SLCO4C1: variants seen among roughly 807,000 people sequenced by gnomAD.
SLCO4C1 encodes the protein organic anion transporter M1.
A neutral mutation model predicts 72.1 loss-of-function variants in SLCO4C1; 58 were observed. That is an observed-to-expected ratio of 0.80 (90% confidence interval 0.65 to 1.00). SLCO4C1 has a LOEUF of 1.00. Ranked by LOEUF, SLCO4C1 falls within the 50% of genes least tolerant of loss-of-function variation. The pLI is 0.00. For missense variants in SLCO4C1, 898 were observed against 857.9 expected (o/e 1.05, Z -0.58); for synonymous variants, 297 against 312.5 (o/e 0.95, Z 0.52).
At chr5:102,289,642 C>A (rs1250934020) in intron 2 of SLCO4C1, among the ~76,000 whole-genome samples, 1 of 152,180 alleles carries the variant, frequency 6.6e-6, no homozygotes, top group Non-Finnish European at 1.5e-5. Context: ...CTAAAGCCTA[C>A]GCTGCAATAT....
intron 2 of SLCO4C1, among the ~76,000 whole-genome samples, chr5:102,272,748 G>A (rs758044153): frequency 6.7e-6 from 1 of 148,752 alleles, no homozygotes; most frequent in Non-Finnish European, 1.5e-5. Flanking sequence ...TTGAGGTCAG[G>A]AGTTTGAGAC....
chr5:102,236,797 G>T lies in SLCO4C1; in HGVS notation c.*61C>A. 1 of 1,499,028 alleles carries T rather than the reference G, an allele frequency of 6.7e-7. No homozygotes were observed. The highest frequency in any genetic ancestry group is 9.2e-7 in the Non-Finnish European group (1 of 1,090,606). 92.9% of individuals were successfully genotyped at this position (1,499,028 alleles called of 1,614,324 possible). A position where few individuals can be genotyped will look rare whatever the true frequency, so the allele number is the denominator to read the frequency against. On this transcript the variant is annotated 3_prime_UTR_variant, in exon 13 of 13. Coordinates refer to ENST00000310954, the MANE Select transcript of SLCO4C1 (RefSeq NM_180991.5). ...GGATAGATAATCCTGCCATGGCAAT[G>T]TGTGTTCTTAAAAATCGAGGTAAAT...
intron 7 of SLCO4C1, among the ~76,000 whole-genome samples, chr5:102,257,687 C>T (rs752156979): frequency 6.6e-6 from 1 of 150,526 alleles, no homozygotes; most frequent in Non-Finnish European, 1.5e-5. Context: ...GGCGCAATCT[C>T]GGCTCGCTGC....
chr5:102,274,789 C>G (rs1247785198), intron 2 of SLCO4C1, among the ~76,000 whole-genome samples: 1 of 152,090 alleles, frequency 6.6e-6, no homozygotes, highest in Non-Finnish European at 1.5e-5. Context: ...CTGTACTTTT[C>G]TTTCCTCAGC....
At chr5:102,242,218 C>T (rs1748556303) in intron 10 of SLCO4C1, among the ~76,000 whole-genome samples, 1 of 152,208 alleles carries the variant, frequency 6.6e-6, no homozygotes, top group African/African-American at 2.4e-5. Context: ...AACTCACCAC[C>T]AAGGGCTACA....
intron 3 of SLCO4C1, among the ~76,000 whole-genome samples, chr5:102,269,373 G>C (rs565040292): frequency 5.1e-4 from 76 of 150,270 alleles, no homozygotes; most frequent in African/African-American, 1.8e-3. Flanking sequence ...CATTTTGTTT[G>C]CTGTGTTGTT....
chr5:102,274,965 G>A (rs550288066), intron 2 of SLCO4C1, among the ~76,000 whole-genome samples: 2 of 151,930 alleles, frequency 1.3e-5, no homozygotes, highest in Admixed American at 1.3e-4. Context: ...CACATCTCTG[G>A]TTACCACGGC....
chr5:102,272,626 A>G (rs1749171744), intron 2 of SLCO4C1, among the ~76,000 whole-genome samples: 1 of 152,166 alleles, frequency 6.6e-6, no homozygotes, highest in Non-Finnish European at 1.5e-5. Flanking sequence ...GCCTCTTAAA[A>G]TCCAGAGCTC....
chr5:102,278,759 G>T (rs112673879), intron 2 of SLCO4C1, among the ~76,000 whole-genome samples: 1 of 151,648 alleles, frequency 6.6e-6, no homozygotes, highest in Non-Finnish European at 1.5e-5. Flanking sequence ...GGTCAAAAAG[G>T]AAGTCTCTAA....
intron 2 of SLCO4C1, among the ~76,000 whole-genome samples, chr5:102,272,841 G>A (rs1749178299): frequency 6.6e-6 from 1 of 152,040 alleles, no homozygotes; most frequent in South Asian, 2.1e-4. Flanking sequence ...TGTAGTCCCA[G>A]CTACTCGGGA....
At chr5:102,281,250 A>G (rs535506216) in intron 2 of SLCO4C1, among the ~76,000 whole-genome samples, 1 of 152,174 alleles carries the variant, frequency 6.6e-6, no homozygotes, top group Non-Finnish European at 1.5e-5. Flanking sequence ...ACACTTATAA[A>G]CAAAAATCAA....
chr5:102,284,047 A>G (rs964567314), intron 2 of SLCO4C1, among the ~76,000 whole-genome samples: 12 of 152,182 alleles, frequency 7.9e-5, no homozygotes, highest in Non-Finnish European at 1.8e-4. Context: ...ACTCAAAAAG[A>G]TTACGGAAAA....
intron 2 of SLCO4C1, among the ~76,000 whole-genome samples, chr5:102,274,718 T>A (rs988459219): frequency 2.6e-5 from 4 of 152,170 alleles, no homozygotes; most frequent in African/African-American, 9.7e-5. Flanking sequence ...CTGCATCAGG[T>A]GCTTTGACGT....
chr5:102,236,887 C>A lies in SLCO4C1; in HGVS notation c.2146G>T (p.Asp716Tyr). Residue 716 changes from aspartate to tyrosine, a missense_variant, in exon 13 of 13, where the codon GAT becomes TAT. By Grantham distance (160) the Asp-to-Tyr change is radical. Transcript: ENST00000310954. ...CCTTCTTTTACTATTTTGTTGAGAT[C>A]CTGTTCTGCTAAAACATTAGTCACA... ...AVVTNVLAEQ[D>Y]LNKIVKEG 6.2e-7 allele frequency: 1 copy of A among 1,612,714 alleles called. No homozygotes were observed.
chr5:102,262,956 A>C (rs1748968184), intron 4 of SLCO4C1, among the ~76,000 whole-genome samples: 1 of 152,134 alleles, frequency 6.6e-6, no homozygotes, highest in South Asian at 2.1e-4. Flanking sequence ...TGCAGTTATT[A>C]TTCCCAGTGG....
intron 8 of SLCO4C1, among the ~76,000 whole-genome samples, chr5:102,251,133 C>T (rs552922801): frequency 6.6e-6 from 1 of 152,238 alleles, no homozygotes; most frequent in East Asian, 1.9e-4. Context: ...ATGTCTGAGG[C>T]ACAGAGTGAT....
chr5:102,251,287 C>T (rs528220200), intron 8 of SLCO4C1, among the ~76,000 whole-genome samples: 1 of 152,176 alleles, frequency 6.6e-6, no homozygotes, highest in African/African-American at 2.4e-5. Flanking sequence ...AGGAGTTGTA[C>T]AGAGTATGAA....
rs1038991055 is a variant in SLCO4C1, at chr5:102,283,843, C to T, written c.619+7500G>A. 2.6e-5 allele frequency among the ~76,000 whole-genome samples: 4 copies of T among 151,936 alleles called. No individual in the cohort carries two copies. In the South Asian group the frequency reaches 8.3e-4, roughly 32 times the overall value. On this transcript the variant is annotated intron_variant, in intron 2 of 12. Coordinates refer to ENST00000310954, the MANE Select transcript of SLCO4C1 (RefSeq NM_180991.5). ...ATTTGGGATTCTCTGTCCACATTTTCCATAAACTTGGGCTAAAAAAATGGA... is the reference window on the plus strand; with the variant it reads ...ATTTGGGATTCTCTGTCCACATTTTTCATAAACTTGGGCTAAAAAAATGGA...
intron 3 of SLCO4C1, among the ~76,000 whole-genome samples, chr5:102,266,462 C>T (rs1465862440): frequency 1.3e-5 from 2 of 151,994 alleles, no homozygotes; most frequent in Admixed American, 1.3e-4. Flanking sequence ...CCAGTATGGC[C>T]AACGTGGTGA....
Sources: allele counts gnomAD v4.1 joint callset (sites outside exome capture counted in the v4.1 genomes callset), GRCh38; gene constraint gnomAD v4.1.1; transcripts MANE v1.5; gene names NCBI Gene and HGNC (gene_info 2026-07-23, HGNC 2026-07-21).